Variants in LIPH observed in about 807,000 individuals in gnomAD.
LIPH encodes lipase H, also known as lipase member H.
A neutral mutation model predicts 47.6 loss-of-function variants in LIPH; 32 were observed. The observed-to-expected ratio is 0.67, with a 90% CI of 0.51 to 0.90. The LOEUF is 0.90. Ranked by LOEUF, LIPH falls within the 40% of genes least tolerant of loss-of-function variation. The probability of loss-of-function intolerance (pLI) is 0.00; values close to 1 mark genes in which losing one functional copy is unlikely to be tolerated. For missense variants in LIPH, 497 were observed against 541.4 expected, an observed-to-expected ratio of 0.92 and a Z score of 0.81; for synonymous variants, 190 against 195.6, an observed-to-expected ratio of 0.97 and a Z score of 0.24.
chr3:185,511,815 C>CT, intron 8 of LIPH, 118 bp from the exon 9 acceptor site: 1 of 651,434 alleles, frequency 1.5e-6, no homozygotes. Flanking sequence ...CCTGCACCAG[C>CT]TGACTTTTTT....
intron 8 of LIPH, 114 bp from the exon 9 acceptor site, chr3:185,511,811 C>T: frequency 1.4e-6 from 1 of 702,174 alleles, no homozygotes; most frequent in East Asian, 2.7e-5. Context: ...ATAGCCTGCA[C>T]CAGCTGACTT....
intron 3 of LIPH, 79 bp from the exon 4 acceptor site, chr3:185,527,664 G>A: frequency 4.2e-6 from 4 of 941,502 alleles, no homozygotes; most frequent in Non-Finnish European, 6.9e-6. Context: ...TCTGGATGAG[G>A]GTGGCTCCCA....
intron 1 of LIPH, among the ~76,000 whole-genome samples, chr3:185,538,856 CATAT>C (rs1023314436): frequency 2.2e-5 from 3 of 137,870 alleles, no homozygotes; most frequent in African/African-American, 8.0e-5. Context: ...CATATATATA[CATAT>C]ATACATATAT....
chr3:185,507,730 A>G lies in LIPH; in HGVS notation c.*1060T>C. On this transcript the variant is annotated 3_prime_UTR_variant, in exon 10 of 10. Coordinates refer to ENST00000296252, the MANE Select transcript of LIPH (RefSeq NM_139248.3). ...TTTTGAATTCACGTGTTGGCAAAAT[A>G]GGTGACAGCCTTGTTCCAAAAGGCT... is the stretch of plus-strand genomic sequence containing the variant. 6.6e-6 allele frequency: 1 copy of G among 152,230 alleles called. No individual in the cohort carries two copies. Among genetic ancestry groups the G allele is most frequent in the East Asian group, 1.9e-4 (1 of 5,198 alleles). The allele number at this position is 152,230 out of a possible 1,614,324, so 9.4% of individuals were successfully genotyped here.
chr3:185,524,268 A>T, intron 4 of LIPH, 108 bp from the exon 5 acceptor site: 1 of 727,056 alleles, frequency 1.4e-6, no homozygotes, highest in Non-Finnish European at 2.5e-6. Flanking sequence ...GTTGTTTATC[A>T]TTATTGTTAT....
Position 185,508,586 on chromosome 3 carries a change from C to A in LIPH, c.*204G>T. The A allele has an allele frequency of 1.7e-6, 1 of 584,956 alleles. No individual in the cohort carries two copies. 36.2% of individuals were successfully genotyped at this position (584,956 alleles called of 1,614,324 possible). On this transcript the variant is annotated 3_prime_UTR_variant, in exon 10 of 10. Transcript: ENST00000296252. ...TGCGAGCCTGGCTATTTCTGACTTG[C>A]CCTAGTTAGGGGCTCCTTCCCAGGA...
At chr3:185,551,042 C>A (rs1721033356) in intron 1 of LIPH, among the ~76,000 whole-genome samples, 1 of 152,042 alleles carries the variant, frequency 6.6e-6, no homozygotes, top group Non-Finnish European at 1.5e-5. Context: ...GGCGCAGTGG[C>A]GCACTCCTGT....
At chr3:185,526,973 C>T (rs1263214257) in intron 4 of LIPH, among the ~76,000 whole-genome samples, 1 of 152,172 alleles carries the variant, frequency 6.6e-6, no homozygotes, top group East Asian at 1.9e-4. Context: ...GGCGCGGTGG[C>T]TCACGCCTGT....
At chr3:185,546,130 C>A (rs2148965884) in intron 1 of LIPH, among the ~76,000 whole-genome samples, 2 of 151,896 alleles carry the variant, frequency 1.3e-5, no homozygotes, top group South Asian at 4.2e-4. Flanking sequence ...CCAGCCACTG[C>A]ACTCCAGGCT....
At chr3:185,529,008 C>CA (rs11457671) in intron 3 of LIPH, among the ~76,000 whole-genome samples, 24,049 of 111,558 alleles carry the variant, frequency 0.22, 2,593 homozygotes, top group African/African-American at 0.28. Flanking sequence ...TTAAAAATAC[C>CA]AAAAAAAAAA....
intron 3 of LIPH, among the ~76,000 whole-genome samples, chr3:185,529,920 A>G (rs914442845): frequency 2.1e-4 from 9 of 42,522 alleles, no homozygotes; most frequent in African/African-American, 5.7e-4. Flanking sequence ...GAAAGAAAGA[A>G]AGAAAGAAAG....
intron 5 of LIPH, among the ~76,000 whole-genome samples, chr3:185,519,836 C>CAAAAAAAAAA (rs145391972): frequency 1.5e-4 from 8 of 53,830 alleles, no homozygotes; most frequent in African/African-American, 5.7e-4. Context: ...CACTCCATCT[C>CAAAAAAAAAA]AAAAAAAAAA....
At chr3:185,513,518 T>G (rs1360202899) in intron 8 of LIPH, among the ~76,000 whole-genome samples, 3 of 152,214 alleles carry the variant, frequency 2.0e-5, no homozygotes, top group South Asian at 2.1e-4. Context: ...GAAAACAGTA[T>G]AGTGGTGTCT....
chr3:185,527,149 G>A (rs1720131871), intron 4 of LIPH, among the ~76,000 whole-genome samples: 1 of 152,138 alleles, frequency 6.6e-6, no homozygotes, highest in Admixed American at 6.6e-5. Flanking sequence ...TGAGGCGGGA[G>A]GATGGCGAGA....
intron 7 of LIPH, among the ~76,000 whole-genome samples, chr3:185,515,564 A>G (rs1403555383): frequency 2.0e-5 from 3 of 151,662 alleles, no homozygotes; most frequent in Non-Finnish European, 4.4e-5. Context: ...GCTGGAGTGC[A>G]GTGGCGTAAT....
intron 1 of LIPH, among the ~76,000 whole-genome samples, chr3:185,547,852 A>T (rs1720926263): frequency 6.6e-6 from 1 of 151,908 alleles, no homozygotes; most frequent in Non-Finnish European, 1.5e-5. Flanking sequence ...AAGAAGAAAG[A>T]AAGAAAGTAT....
chr3:185,510,374 A>T (rs1719523655), intron 9 of LIPH, among the ~76,000 whole-genome samples: 1 of 152,152 alleles, frequency 6.6e-6, no homozygotes, highest in Non-Finnish European at 1.5e-5. Flanking sequence ...CAAAACATAC[A>T]TGTCAACACA....
intron 1 of LIPH, among the ~76,000 whole-genome samples, chr3:185,550,833 G>A (rs1051022334): frequency 2.2e-4 from 34 of 152,154 alleles, no homozygotes; most frequent in African/African-American, 7.7e-4. Context: ...CTTTCAGAGT[G>A]CTGGGATTAT....
rs1719417665 is a variant in LIPH at position 185,507,518 on chromosome 3, T to C, written c.*1272A>G. ...GTGGCCACAGCCATGGGACAGATCA[T>C]GCCTCCCCTCACACTGGGCATCTGG... On this transcript the variant is annotated 3_prime_UTR_variant, in exon 10 of 10. Coordinates refer to ENST00000296252, the MANE Select transcript of LIPH (RefSeq NM_139248.3). 6.6e-6 allele frequency: 1 copy of C among 152,276 alleles called. No individual in the cohort carries two copies. The highest frequency in any genetic ancestry group is 1.5e-5 in the Non-Finnish European group (1 of 68,078). The allele number at this position is 152,276 out of a possible 1,614,324, so 9.4% of individuals were successfully genotyped here. A position where few individuals can be genotyped will look rare whatever the true frequency, so the allele number is the denominator to read the frequency against.
Sources: gnomAD v4.1 joint callset for allele counts (sites outside exome capture counted in the v4.1 genomes callset) on GRCh38, gnomAD v4.1.1 for gene constraint, MANE v1.5 for transcripts, NCBI Gene and HGNC (gene_info 2026-07-23, HGNC 2026-07-21) for gene names.